Variants in FCHSD2 observed in about 807,000 individuals in gnomAD.
FCHSD2 encodes F-BAR and double SH3 domains protein 2.
In FCHSD2, 38 loss-of-function variants were observed where a neutral mutation model predicts 108.1. The observed-to-expected ratio is 0.35, with a 90% confidence interval of 0.27 to 0.46. The LOEUF (loss-of-function observed/expected upper bound fraction) is 0.46. Among genes scored for constraint, FCHSD2 ranks in the 20% least tolerant of loss-of-function variants. The pLI is 1.00. For missense variants in FCHSD2, 751 were observed against 897.8 expected (o/e 0.84, Z 2.09); for synonymous variants, 279 against 314.7 (o/e 0.89, Z 1.20).
intron 2 of FCHSD2, among the ~76,000 whole-genome samples, chr11:73,129,510 T>G (rs1591578363): frequency 6.6e-6 from 1 of 152,228 alleles, no homozygotes; most frequent in African/African-American, 2.4e-5. Flanking sequence ...GGATCTAGGT[T>G]GCATGCTCCT....
rs574092906 is a variant in FCHSD2, at chr11:72,949,225, A to G, written c.706-27275T>C. Among the ~76,000 whole-genome samples, 9 of 152,118 alleles carry G rather than the reference A, an allele frequency of 5.9e-5. No individual in the cohort carries two copies. In the East Asian group the frequency reaches 1.8e-3, roughly 30 times the overall value. On this transcript the variant is annotated intron_variant, in intron 8 of 19. Transcript: ENST00000409418. ...GCACTTTGGGAGGCCCATGGCGGGCAGATCACCTGAGGTCAGGAGTTCAAG... is the reference window on the plus strand; with the variant it reads ...GCACTTTGGGAGGCCCATGGCGGGCGGATCACCTGAGGTCAGGAGTTCAAG...
chr11:73,014,124 CTTTTTTT>C (rs947652108), intron 4 of FCHSD2, among the ~76,000 whole-genome samples: 25 of 86,588 alleles, frequency 2.9e-4, no homozygotes, highest in African/African-American at 6.0e-4. Flanking sequence ...TGTGTGGTTT[CTTTTTTT>C]TTTTTTTTTT....
At chr11:73,085,794 G>A (rs1565403098) in intron 2 of FCHSD2, among the ~76,000 whole-genome samples, 1 of 151,752 alleles carries the variant, frequency 6.6e-6, no homozygotes, top group Admixed American at 6.6e-5. Flanking sequence ...GGTTCAAGTT[G>A]ATGTTTAAAA....
chr11:72,893,465 C>T (rs564177692), intron 10 of FCHSD2, among the ~76,000 whole-genome samples: 106 of 152,132 alleles, frequency 7.0e-4, no homozygotes, highest in Non-Finnish European at 1.2e-3. Context: ...ACAGCATATG[C>T]CATCACACGC....
intron 9 of FCHSD2, among the ~76,000 whole-genome samples, chr11:72,917,593 T>C (rs1855899083): frequency 6.6e-6 from 1 of 152,148 alleles, no homozygotes. Context: ...TCCATATTAA[T>C]TCGAAGACTG....
At chr11:72,925,608 C>T (rs1179467118) in intron 8 of FCHSD2, among the ~76,000 whole-genome samples, 1 of 152,222 alleles carries the variant, frequency 6.6e-6, no homozygotes, top group African/African-American at 2.4e-5. Flanking sequence ...GTGTATTTCA[C>T]TTCAGCAATA....
intron 19 of FCHSD2, 86 bp from the exon 20 acceptor site, chr11:72,838,960 C>A: frequency 8.0e-7 from 1 of 1,245,064 alleles, no homozygotes; most frequent in South Asian, 1.3e-5. Context: ...CTCATCTGTC[C>A]AAGGACATGG....
chr11:72,984,538 T>C (rs926139319), intron 7 of FCHSD2, among the ~76,000 whole-genome samples: 3 of 152,168 alleles, frequency 2.0e-5, no homozygotes, highest in African/African-American at 7.2e-5. Context: ...TCTTCAAAGG[T>C]ATGGGTAAAA....
rs1007826607 is a variant in FCHSD2, at chr11:72,838,942, C to T, written c.2140-68G>A. On this transcript the variant is annotated intron_variant, in intron 19 of 19. Transcript: ENST00000409418. ...CTCAGTATCTGAAGCATCCCCAAAA[C>T]CTAATCACTCATCTGTCCAAGGACA... 1.8e-5 allele frequency: 25 copies of T among 1,406,536 alleles called. No homozygotes were observed. In the African/African-American group the frequency reaches 2.7e-4, roughly 15 times the overall value. 87.1% of individuals were successfully genotyped at this position (1,406,536 alleles called of 1,614,324 possible). A position where few individuals can be genotyped will look rare whatever the true frequency, so the allele number is the denominator to read the frequency against.
At chr11:72,882,199 T>G (rs1177106696) in intron 12 of FCHSD2, among the ~76,000 whole-genome samples, 1 of 151,204 alleles carries the variant, frequency 6.6e-6, no homozygotes, top group African/African-American at 2.4e-5. Flanking sequence ...TCCCAGCACT[T>G]TGGGAGGCCA....
chr11:72,967,866 C>A (rs1048074792), intron 8 of FCHSD2, among the ~76,000 whole-genome samples: 1 of 151,638 alleles, frequency 6.6e-6, no homozygotes, highest in African/African-American at 2.4e-5. Flanking sequence ...CCGAGGCGGG[C>A]GGATCACGAG....
intron 10 of FCHSD2, 79 bp downstream of exon 10, chr11:72,902,464 G>T: frequency 1.3e-5 from 12 of 897,722 alleles, no homozygotes; most frequent in South Asian, 1.3e-4. Flanking sequence ...TTTTCTGTCT[G>T]TCTATGCCAA....
Position 73,099,307 on chromosome 11 carries a change from T to C in FCHSD2, c.120-15567A>G, listed in dbSNP as rs113346682. Among the ~76,000 whole-genome samples, 295 of 152,258 alleles carry C rather than the reference T, an allele frequency of 1.9e-3. 1 individual carries two copies. Among genetic ancestry groups the C allele is most frequent in the African/African-American group, 6.4e-3 (264 of 41,558 alleles). ...AAACAAAAACAGAAAATAATAAGCA[T>C]TGGCCAGGATGTGAAGAAATTAGAA... On this transcript the variant is annotated intron_variant, in intron 2 of 19. Coordinates refer to ENST00000409418, the MANE Select transcript of FCHSD2 (RefSeq NM_014824.3).
chr11:73,030,663 GA>G (rs1036007258), intron 3 of FCHSD2, among the ~76,000 whole-genome samples: 145 of 151,986 alleles, frequency 9.5e-4, no homozygotes, highest in African/African-American at 3.4e-3. Flanking sequence ...AACCAACAAA[GA>G]AAAATATATT....
intron 3 of FCHSD2, among the ~76,000 whole-genome samples, chr11:73,081,845 G>A (rs566188784): frequency 6.6e-6 from 1 of 152,218 alleles, no homozygotes; most frequent in East Asian, 1.9e-4. Flanking sequence ...CTCAGAGCAT[G>A]GTACAAAGTA....
chr11:73,124,275 G>T (rs942912107), intron 2 of FCHSD2, among the ~76,000 whole-genome samples: 1 of 152,092 alleles, frequency 6.6e-6, no homozygotes, highest in Non-Finnish European at 1.5e-5. Flanking sequence ...TGGGGGGACG[G>T]GGAAGGGATA....
chr11:72,892,686 C>A (rs1382791200), intron 10 of FCHSD2, among the ~76,000 whole-genome samples: 1 of 152,048 alleles, frequency 6.6e-6, no homozygotes, highest in African/African-American at 2.4e-5. Context: ...CTCAGTGCAA[C>A]CTCCACCTCC....
chr11:73,019,483 C>A (rs1280435463), intron 3 of FCHSD2, among the ~76,000 whole-genome samples: 1 of 152,072 alleles, frequency 6.6e-6, no homozygotes, highest in Non-Finnish European at 1.5e-5. Context: ...AATTTGTTAA[C>A]TTTGTGCATT....
chr11:72,909,708 G>A (rs938288370), intron 9 of FCHSD2, among the ~76,000 whole-genome samples: 1 of 151,264 alleles, frequency 6.6e-6, no homozygotes, highest in African/African-American at 2.4e-5. Context: ...GATGTGAGGA[G>A]CGCCTCTGCC....
Sources: gnomAD v4.1 joint callset for allele counts (sites outside exome capture counted in the v4.1 genomes callset) on GRCh38, gnomAD v4.1.1 for gene constraint, MANE v1.5 for transcripts, NCBI Gene and HGNC (gene_info 2026-07-23, HGNC 2026-07-21) for gene names.